Variants in PIGL observed in about 807,000 individuals in gnomAD.
PIGL encodes phosphatidylinositol glycan anchor biosynthesis class L.
In PIGL, 22 loss-of-function variants were observed where a neutral mutation model predicts 31.1. The ratio of observed to expected loss-of-function variants is 0.71; its 90% CI spans 0.51 to 1.01. PIGL has a LOEUF of 1.01. Ranked by LOEUF, PIGL falls within the 50% of genes least tolerant of loss-of-function variation. PIGL has a pLI of 0.00. For missense variants in PIGL, 302 were observed against 315.9 expected (o/e 0.96, Z 0.33); for synonymous variants, 131 against 117.4 (o/e 1.12, Z -0.75).
At chr17:16,305,281 G>A (rs2093021864) in intron 3 of PIGL, among the ~76,000 whole-genome samples, 1 of 152,050 alleles carries the variant, frequency 6.6e-6, no homozygotes, top group Non-Finnish European at 1.5e-5. Context: ...GACAGAATGA[G>A]AGCCTGTCTC....
chr17:16,285,727 A>G (rs558260349), intron 2 of PIGL, among the ~76,000 whole-genome samples: 1 of 152,236 alleles, frequency 6.6e-6, no homozygotes, highest in African/African-American at 2.4e-5. Context: ...TGATCTTTAT[A>G]TACCTCTTTT....
intron 2 of PIGL, among the ~76,000 whole-genome samples, chr17:16,277,765 C>T (rs918963687): frequency 3.9e-5 from 6 of 152,148 alleles, no homozygotes; most frequent in Non-Finnish European, 8.8e-5. Context: ...TGACAAAACA[C>T]CTTAGGATAG....
At chr17:16,325,332 CAAAAAAA>C (rs55958956) in intron 6 of PIGL, among the ~76,000 whole-genome samples, 2 of 69,278 alleles carry the variant, frequency 2.9e-5, no homozygotes, top group East Asian at 4.1e-4. Context: ...GCAACAGGCT[CAAAAAAA>C]AAAAAAAAAA....
chr17:16,291,615 C>T (rs1419402684), intron 2 of PIGL, among the ~76,000 whole-genome samples: 1 of 151,552 alleles, frequency 6.6e-6, no homozygotes, highest in East Asian at 1.9e-4. Context: ...CCTGTAATCC[C>T]AGCACTTTGG....
intron 3 of PIGL, among the ~76,000 whole-genome samples, chr17:16,308,956 A>T (rs1293619719): frequency 6.6e-6 from 1 of 152,046 alleles, no homozygotes; most frequent in Non-Finnish European, 1.5e-5. Flanking sequence ...CCAGCTAATT[A>T]AAAAAATTTC....
chr17:16,242,330 T>G (rs1026399931), intron 2 of PIGL, among the ~76,000 whole-genome samples: 9 of 152,158 alleles, frequency 5.9e-5, no homozygotes, highest in Non-Finnish European at 1.0e-4. Context: ...TATTACAGCA[T>G]GAGCCACCAT....
intron 2 of PIGL, among the ~76,000 whole-genome samples, chr17:16,253,177 C>G (rs899810423): frequency 1.3e-5 from 2 of 152,076 alleles, no homozygotes. Flanking sequence ...TAGCTTGAAC[C>G]CGGGAGGCGG....
chr17:16,248,981 G>T (rs910156017), intron 2 of PIGL, among the ~76,000 whole-genome samples: 3 of 152,092 alleles, frequency 2.0e-5, no homozygotes, highest in Non-Finnish European at 2.9e-5. Context: ...AGGGACAGAG[G>T]GAGACAGATC....
At chr17:16,317,461 T>C (rs959725348) in intron 5 of PIGL, 2 of 1,084,474 alleles carry the variant, frequency 1.8e-6, no homozygotes, top group African/African-American at 3.2e-5. Flanking sequence ...AAACTCCCAA[T>C]ACAGTAATTC....
At chr17:16,279,502 C>G (rs544009862) in intron 2 of PIGL, among the ~76,000 whole-genome samples, 2 of 152,316 alleles carry the variant, frequency 1.3e-5, no homozygotes, top group Admixed American at 1.3e-4. Context: ...TCAGCATTAT[C>G]CTTGAACAGA....
chr17:16,316,533 C>G, intron 4 of PIGL, 148 bp from the exon 5 acceptor site: 1 of 698,770 alleles, frequency 1.4e-6, no homozygotes, highest in Non-Finnish European at 2.3e-6. Context: ...TCCTGGAAAT[C>G]TATACAGTGA....
At chr17:16,283,383 G>C (rs2092924572) in intron 2 of PIGL, among the ~76,000 whole-genome samples, 1 of 152,152 alleles carries the variant, frequency 6.6e-6, no homozygotes, top group Admixed American at 6.5e-5. Flanking sequence ...AAGGAGGATT[G>C]CCTGATCCTA....
chr17:16,269,485 T>C (rs975824664), intron 2 of PIGL, among the ~76,000 whole-genome samples: 3 of 151,826 alleles, frequency 2.0e-5, no homozygotes, highest in Admixed American at 1.3e-4. Flanking sequence ...CCGTCTCTAC[T>C]AAAAATACAA....
chr17:16,268,832 G>A (rs928571826), intron 2 of PIGL, among the ~76,000 whole-genome samples: 4 of 150,556 alleles, frequency 2.7e-5, no homozygotes, highest in Non-Finnish European at 5.9e-5. Context: ...GCGCAATTTC[G>A]GCTCACTGTA....
At chr17:16,277,756 G>A (rs1482902317) in intron 2 of PIGL, among the ~76,000 whole-genome samples, 1 of 152,164 alleles carries the variant, frequency 6.6e-6, no homozygotes. Context: ...GTCCGTGGGT[G>A]ACAAAACACC....
intron 1 of PIGL, among the ~76,000 whole-genome samples, chr17:16,227,901 G>T (rs1420958368): frequency 1.3e-5 from 2 of 151,436 alleles, no homozygotes; most frequent in East Asian, 2.0e-4. Flanking sequence ...TTCTCTTAGT[G>T]ATCTTTTAAA....
chr17:16,217,624 G>GA, intron 1 of PIGL, 163 bp downstream of exon 1: 160 of 555,540 alleles, frequency 2.9e-4, no homozygotes, highest in South Asian at 9.5e-4. Context: ...AGGAGCGGCC[G>GA]GCTTACCTGG....
intron 2 of PIGL, among the ~76,000 whole-genome samples, chr17:16,277,248 G>GA (rs1215839231): frequency 2.0e-5 from 3 of 151,608 alleles, no homozygotes; most frequent in South Asian, 2.1e-4. Flanking sequence ...AAGCCTTGGT[G>GA]AAAAAAAAGT....
chr17:16,292,465 T>C (rs1233003051), intron 2 of PIGL, among the ~76,000 whole-genome samples: 1 of 152,074 alleles, frequency 6.6e-6, no homozygotes, highest in Non-Finnish European at 1.5e-5. Flanking sequence ...CTACTCTTCA[T>C]AGCAGAGTTC....
Sources: allele counts gnomAD v4.1 joint callset (sites outside exome capture counted in the v4.1 genomes callset), GRCh38; gene constraint gnomAD v4.1.1; transcripts MANE v1.5; gene names NCBI Gene and HGNC (gene_info 2026-07-23, HGNC 2026-07-21).